The following TXLNB variants were observed in gnomAD, a reference collection of about 807,000 sequenced individuals.
TXLNB encodes the protein taxilin beta.
TXLNB carries 37 observed loss-of-function variants against 57.4 expected under a neutral mutation model. That is an observed-to-expected ratio of 0.64 (90% confidence interval 0.50 to 0.85). TXLNB has a LOEUF of 0.85. Ranked by LOEUF, TXLNB falls within the 40% of genes least tolerant of loss-of-function variation. The pLI is 0.00. For synonymous variants in TXLNB, 302 were observed against 309.6 expected (o/e 0.98, Z 0.26); for missense variants, 848 against 825.6 (o/e 1.03, Z -0.33).
the TXLNB span, among the ~76,000 whole-genome samples, chr6:139,164,822 C>T: frequency 1.4e-4 from 21 of 150,124 alleles, no homozygotes; most frequent in Middle Eastern, 3.4e-3. Flanking sequence ...CAACCGGCAG[C>T]CACTCTTTTG....
chr6:139,190,395 C>T, the TXLNB span, among the ~76,000 whole-genome samples: 4 of 150,198 alleles, frequency 2.7e-5, no homozygotes, highest in Non-Finnish European at 4.4e-5. Context: ...CTGTAACCTC[C>T]ACCTTCTAGG....
chr6:139,227,491 AATCT>A, the TXLNB span, among the ~76,000 whole-genome samples: 1 of 152,240 alleles, frequency 6.6e-6, no homozygotes, highest in African/African-American at 2.4e-5. Context: ...TTATTGTTAC[AATCT>A]ATTTGGAAAA....
the TXLNB span, among the ~76,000 whole-genome samples, chr6:139,215,447 C>G: frequency 6.6e-6 from 1 of 152,128 alleles, no homozygotes; most frequent in South Asian, 2.1e-4. Context: ...AACTGGATCC[C>G]TTCCTTACAC....
At chr6:139,276,532 G>A (rs1012088686) in intron 3 of TXLNB, among the ~76,000 whole-genome samples, 14 of 152,120 alleles carry the variant, frequency 9.2e-5, no homozygotes, top group African/African-American at 3.1e-4. Flanking sequence ...TGGGTGATAT[G>A]GTTTATTTTC....
At chr6:139,252,809 G>C (rs756222720) in intron 7 of TXLNB, among the ~76,000 whole-genome samples, 1 of 152,222 alleles carries the variant, frequency 6.6e-6, no homozygotes, top group Admixed American at 6.5e-5. Context: ...GGCTAACACG[G>C]TGAAACCCTG....
chr6:139,216,195 T>C, the TXLNB span, among the ~76,000 whole-genome samples: 1 of 151,828 alleles, frequency 6.6e-6, no homozygotes, highest in Admixed American at 6.6e-5. Context: ...TGCGGCAGTA[T>C]TCACAATAGC....
chr6:139,204,384 A>T, the TXLNB span, among the ~76,000 whole-genome samples: 3 of 152,044 alleles, frequency 2.0e-5, no homozygotes, highest in Non-Finnish European at 4.4e-5. Flanking sequence ...ATTCTTCTTG[A>T]TGGAGGCACT....
Position 139,242,798 on chromosome 6 carries a change from C to A in TXLNB, c.1783G>T (p.Val595Phe). The A allele has an allele frequency of 6.2e-7, 1 of 1,614,168 alleles. No individual in the cohort carries two copies. Among genetic ancestry groups the A allele is most frequent in the Non-Finnish European group, 8.5e-7 (1 of 1,180,020 alleles). Residue 595 changes from valine (V) to phenylalanine (F), a missense_variant, in exon 10 of 10, where the codon GTT becomes TTT. Physicochemically the swap from Val to Phe is conservative, Grantham distance 50. Coordinates refer to ENST00000358430, the MANE Select transcript of TXLNB (RefSeq NM_153235.4). ...GACGCCTGATCAGCCTGTGCTCCAACAGGGAGACCCTCGCATTGGGTTTCT... is the reference window on the plus strand; with the variant it reads ...GACGCCTGATCAGCCTGTGCTCCAAAAGGGAGACCCTCGCATTGGGTTTCT... ...GAETQCEGLP[V>F]GAQADQASWK... is the part of the protein sequence containing the mutation.
the TXLNB span, among the ~76,000 whole-genome samples, chr6:139,322,358 T>A: frequency 6.6e-6 from 1 of 152,168 alleles, no homozygotes; most frequent in Non-Finnish European, 1.5e-5. Flanking sequence ...GGACAAGTGT[T>A]GTGTCCTCAC....
chr6:139,241,880 A>G lies in TXLNB; in HGVS notation c.*646T>C, dbSNP rs1775942052. The G allele has an allele frequency of 6.6e-6, 1 of 152,226 alleles. No homozygotes were observed. Among genetic ancestry groups the G allele is most frequent in the Non-Finnish European group, 1.5e-5 (1 of 68,036 alleles). 9.4% of individuals were successfully genotyped at this position (152,226 alleles called of 1,614,324 possible). A position where few individuals can be genotyped will look rare whatever the true frequency, so the allele number is the denominator to read the frequency against. ...ATTAGTCAACCATAGTCTCAAGTGC[A>G]AGTAAGAGATCATTTTTTTGATTAG... On this transcript the variant is annotated 3_prime_UTR_variant, in exon 10 of 10. Coordinates refer to ENST00000358430, the MANE Select transcript of TXLNB (RefSeq NM_153235.4).
At chr6:139,320,227 T>C in the TXLNB span, among the ~76,000 whole-genome samples, 1 of 152,234 alleles carries the variant, frequency 6.6e-6, no homozygotes, top group African/African-American at 2.4e-5. Flanking sequence ...TAAAATTTTG[T>C]ATGACACATA....
upstream of TXLNB, among the ~76,000 whole-genome samples, chr6:139,295,604 T>A (rs569800658): frequency 4.6e-5 from 7 of 152,296 alleles, no homozygotes; most frequent in African/African-American, 1.7e-4. Context: ...CTTTATCATT[T>A]TTAAATAAAA....
At chr6:139,259,488 G>A (rs142309540) in intron 6 of TXLNB, among the ~76,000 whole-genome samples, 244 of 152,280 alleles carry the variant, frequency 1.6e-3, no homozygotes, top group African/African-American at 5.6e-3. Context: ...TGCTGGAGAC[G>A]ATGCTCCAAG....
the TXLNB span, among the ~76,000 whole-genome samples, chr6:139,182,431 A>C: frequency 6.6e-6 from 1 of 152,212 alleles, no homozygotes; most frequent in Non-Finnish European, 1.5e-5. Context: ...ATTGGTAAGC[A>C]ATTAGTTTAA....
the TXLNB span, among the ~76,000 whole-genome samples, chr6:139,313,700 T>A: frequency 6.6e-6 from 1 of 152,172 alleles, no homozygotes; most frequent in Non-Finnish European, 1.5e-5. Context: ...TATTTTTTTT[T>A]AAGTCACCCT....
At chr6:139,313,298 T>C in the TXLNB span, among the ~76,000 whole-genome samples, 1 of 152,182 alleles carries the variant, frequency 6.6e-6, no homozygotes, top group Non-Finnish European at 1.5e-5. Flanking sequence ...GGTCTCGATC[T>C]CCTGATCTTG....
chr6:139,234,044 T>A, the TXLNB span, among the ~76,000 whole-genome samples: 1 of 152,222 alleles, frequency 6.6e-6, no homozygotes, highest in African/African-American at 2.4e-5. Context: ...ACTCTTGCTA[T>A]GCTTTAGCAA....
At chr6:139,313,077 CTT>C in the TXLNB span, among the ~76,000 whole-genome samples, 13 of 145,410 alleles carry the variant, frequency 8.9e-5, no homozygotes, top group Non-Finnish European at 7.6e-5. Flanking sequence ...GTCTTTCTCT[CTT>C]TTTTTTTTTT....
At position 139,242,054 on chromosome 6, in the gene TXLNB, A is replaced by G. The variant is rs1157755220; in HGVS notation, c.*472T>C. The G allele has an allele frequency of 1.6e-5, 1 of 62,914 alleles. No individual in the cohort carries two copies. The highest frequency in any genetic ancestry group is 2.7e-5 in the Non-Finnish European group (1 of 36,542). 3.9% of individuals were successfully genotyped at this position (62,914 alleles called of 1,614,324 possible). On this transcript the variant is annotated 3_prime_UTR_variant, in exon 10 of 10. Transcript: ENST00000358430. ...ATACATACGTGTATATATACATATAATAAGTACACACGTATGTATATATTA... is the reference window on the plus strand; with the variant it reads ...ATACATACGTGTATATATACATATAGTAAGTACACACGTATGTATATATTA...
Sources: gnomAD v4.1 joint callset for allele counts (sites outside exome capture counted in the v4.1 genomes callset) on GRCh38, gnomAD v4.1.1 for gene constraint, MANE v1.5 for transcripts, NCBI Gene and HGNC (gene_info 2026-07-23, HGNC 2026-07-21) for gene names.